The following LOXHD1 variants were observed in gnomAD, a reference collection of about 807,000 sequenced individuals.
LOXHD1 encodes lipoxygenase homology PLAT domains 1.
In LOXHD1, 205 loss-of-function variants were observed where a neutral mutation model predicts 248.2. The ratio of observed to expected loss-of-function variants is 0.83; its 90% CI spans 0.74 to 0.93. The LOEUF is 0.93. Ranked by LOEUF, LOXHD1 falls within the 40% of genes least tolerant of loss-of-function variation. The pLI, the probability that LOXHD1 is intolerant of heterozygous loss-of-function variation, is 0.00. For synonymous variants in LOXHD1, 1,113 were observed against 1,162.8 expected, an observed-to-expected ratio of 0.96 and a Z score of 0.87; for missense variants, 2,930 against 2,971.6, an observed-to-expected ratio of 0.99 and a Z score of 0.33.
chr18:46,623,156 T>G (rs1568221617), intron 4 of LOXHD1, among the ~76,000 whole-genome samples: 1 of 152,162 alleles, frequency 6.6e-6, no homozygotes, highest in Non-Finnish European at 1.5e-5. Flanking sequence ...TTGTGCAAAT[T>G]AGGCAAAAAG....
intron 37 of LOXHD1, among the ~76,000 whole-genome samples, chr18:46,502,473 T>G (rs1322862370): frequency 6.6e-6 from 1 of 152,148 alleles, no homozygotes; most frequent in Non-Finnish European, 1.5e-5. Flanking sequence ...TTTATTGATG[T>G]GAATTGGGGT....
At chr18:46,629,634 C>T (rs558957296) in intron 4 of LOXHD1, among the ~76,000 whole-genome samples, 1 of 152,050 alleles carries the variant, frequency 6.6e-6, no homozygotes, top group East Asian at 1.9e-4. Context: ...CATTGTGTGG[C>T]ACTGCATGGC....
At chr18:46,613,227 C>T (rs988792599) in intron 5 of LOXHD1, among the ~76,000 whole-genome samples, 6 of 152,042 alleles carry the variant, frequency 3.9e-5, no homozygotes, top group South Asian at 4.1e-4. Flanking sequence ...TTCTCATCCA[C>T]GAACATATTT....
chr18:46,535,006 C>A (rs1368847305), intron 26 of LOXHD1, among the ~76,000 whole-genome samples: 1 of 152,224 alleles, frequency 6.6e-6, no homozygotes, highest in African/African-American at 2.4e-5. Flanking sequence ...CCCATACCTG[C>A]TCAACCTCGT....
At chr18:46,654,356 A>G (rs1349998615) in intron 1 of LOXHD1, among the ~76,000 whole-genome samples, 1 of 152,194 alleles carries the variant, frequency 6.6e-6, no homozygotes, top group African/African-American at 2.4e-5. Flanking sequence ...TTGCATCCCA[A>G]CAGATGCTGG....
At position 46,646,201 on chromosome 18, in the gene LOXHD1, G is replaced by A. The variant is rs909846799; in HGVS notation, c.245+2954C>T. Among the ~76,000 whole-genome samples the A allele has an allele frequency of 4.6e-5, 7 of 152,166 alleles. No homozygotes were observed. The East Asian group carries it at 9.6e-4, about 21-fold the overall frequency. ...GGGAGGGCAGCAGACAGTGAGGTGC[G>A]AGGAGACTGTGGGACCAGTGGATAT... is the stretch of plus-strand genomic sequence containing the variant. On this transcript the variant is annotated intron_variant, in intron 2 of 40. Transcript: ENST00000642948.
chr18:46,596,589 T>C (rs1449332398), intron 8 of LOXHD1, among the ~76,000 whole-genome samples: 1 of 152,224 alleles, frequency 6.6e-6, no homozygotes, highest in African/African-American at 2.4e-5. Flanking sequence ...GGGAAAAATC[T>C]GCAAAGAGAA....
chr18:46,511,959 CT>C (rs1568118686), intron 34 of LOXHD1, among the ~76,000 whole-genome samples: 1 of 152,172 alleles, frequency 6.6e-6, no homozygotes, highest in African/African-American at 2.4e-5. Flanking sequence ...TGGAAGAGAT[CT>C]GATTTAATCA....
At chr18:46,527,094 C>T (rs1178731375) in intron 29 of LOXHD1, among the ~76,000 whole-genome samples, 1 of 141,608 alleles carries the variant, frequency 7.1e-6, no homozygotes, top group African/African-American at 2.7e-5. Flanking sequence ...CAGAATGGGA[C>T]AAAGATTTTT....
chr18:46,523,498 A>G (rs2035679944), intron 31 of LOXHD1, among the ~76,000 whole-genome samples: 1 of 152,168 alleles, frequency 6.6e-6, no homozygotes, highest in Non-Finnish European at 1.5e-5. Flanking sequence ...TGTGAGTGAA[A>G]AGAAAAATTC....
At position 46,518,660 on chromosome 18, in the gene LOXHD1, G is replaced by A. The variant is rs1178044337; in HGVS notation, c.5272-404C>T. 2.0e-5 allele frequency among the ~76,000 whole-genome samples: 3 copies of A among 152,234 alleles called. No individual in the cohort carries two copies. The East Asian group carries it at 5.8e-4, about 29-fold the overall frequency. ...TGCTGGCTGTTAGACCCGGGCAGAT[G>A]CCCGACCTCACCAGCCTCTGCTCCC... On this transcript the variant is annotated intron_variant, in intron 33 of 40. Coordinates refer to ENST00000642948, the MANE Select transcript of LOXHD1 (RefSeq NM_001384474.1).
intron 37 of LOXHD1, among the ~76,000 whole-genome samples, chr18:46,493,141 T>A (rs745898960): frequency 2.0e-5 from 3 of 152,232 alleles, no homozygotes; most frequent in Non-Finnish European, 4.4e-5. Flanking sequence ...GCCTTCTTTT[T>A]ATCCCTTGAT....
Position 46,657,105 on chromosome 18 carries a change from C to A in LOXHD1, c.-72G>T. On this transcript the variant is annotated 5_prime_UTR_variant, in exon 1 of 41. Coordinates refer to ENST00000642948, the MANE Select transcript of LOXHD1 (RefSeq NM_001384474.1). ...TCCTCACACCTGCGGGAACCTGAGACCTCCTCCCTGAGCTCTGGCGCCCAC... is the reference window on the plus strand; with the variant it reads ...TCCTCACACCTGCGGGAACCTGAGAACTCCTCCCTGAGCTCTGGCGCCCAC... The A allele has an allele frequency of 6.5e-7, 1 of 1,549,492 alleles. No homozygotes were observed. Among genetic ancestry groups the A allele is most frequent in the Non-Finnish European group, 8.7e-7 (1 of 1,146,120 alleles).
chr18:46,572,010 C>A, intron 15 of LOXHD1, 76 bp downstream of exon 15: 1 of 1,309,170 alleles, frequency 7.6e-7, no homozygotes, highest in African/African-American at 1.5e-5. Flanking sequence ...CTCGTGTTTT[C>A]TTGAAGGGCT....
In LOXHD1 at chr18:46,593,669, C is replaced by T. The variant is rs1279419654; in HGVS notation, c.1362G>A (p.Gly454=). The change falls in exon 10 of 41, where the codon GGG becomes GGA. Residue 454 remains glycine, a synonymous_variant. Coordinates refer to ENST00000642948, the MANE Select transcript of LOXHD1 (RefSeq NM_001384474.1). ...PIFIQIYGQK[G]RTDEILLNPN... ...GATTCAGGAGAATCTCATCTGTCCGCCCCTTCTGCCCATAAATCTGGATGA... is the reference window on the plus strand; with the variant it reads ...GATTCAGGAGAATCTCATCTGTCCGTCCCTTCTGCCCATAAATCTGGATGA... 3 of 1,552,330 alleles carry T rather than the reference C, an allele frequency of 1.9e-6. No homozygotes were observed. The highest frequency in any genetic ancestry group is 2.6e-6 in the Non-Finnish European group (3 of 1,147,124).
chr18:46,640,358 C>T (rs999693194), intron 3 of LOXHD1, among the ~76,000 whole-genome samples: 1 of 152,108 alleles, frequency 6.6e-6, no homozygotes, highest in African/African-American at 2.4e-5. Flanking sequence ...TAAGTGTGTC[C>T]CTCTCTTCAT....
At position 46,477,333 on chromosome 18, in the gene LOXHD1, C is replaced by T; in HGVS notation, c.*139G>A. Reference sequence around the variant, plus strand: ...AATAAACTGGGGGTAGGGTGGGGAGCAGGACCCCATGAAGTTCTCAGTGGA... The same window carrying T: ...AATAAACTGGGGGTAGGGTGGGGAGTAGGACCCCATGAAGTTCTCAGTGGA... On this transcript the variant is annotated 3_prime_UTR_variant, in exon 41 of 41. Coordinates refer to ENST00000642948, the MANE Select transcript of LOXHD1 (RefSeq NM_001384474.1). The T allele has an allele frequency of 8.7e-7, 1 of 1,152,664 alleles. No homozygotes were observed. The highest frequency in any genetic ancestry group is 1.3e-6 in the Non-Finnish European group (1 of 788,800). 71.4% of individuals were successfully genotyped at this position (1,152,664 alleles called of 1,614,324 possible). A position where few individuals can be genotyped will look rare whatever the true frequency, so the allele number is the denominator to read the frequency against.
At chr18:46,576,398 C>T (rs1880003785) in intron 14 of LOXHD1, among the ~76,000 whole-genome samples, 1 of 152,026 alleles carries the variant, frequency 6.6e-6, no homozygotes, top group Admixed American at 6.5e-5. Context: ...AGCCTTCTCA[C>T]TCCTTCCCCA....
chr18:46,495,189 T>G (rs963603589), intron 37 of LOXHD1, among the ~76,000 whole-genome samples: 2 of 152,210 alleles, frequency 1.3e-5, no homozygotes, highest in African/African-American at 4.8e-5. Flanking sequence ...ACACATAAAT[T>G]CTTTCTTTCC....
Sources: gnomAD v4.1 joint callset for allele counts (sites outside exome capture counted in the v4.1 genomes callset) on GRCh38, gnomAD v4.1.1 for gene constraint, MANE v1.5 for transcripts, NCBI Gene and HGNC (gene_info 2026-07-23, HGNC 2026-07-21) for gene names.